KDM3A: variants seen among roughly 807,000 people sequenced by gnomAD.
KDM3A encodes the protein lysine-specific demethylase 3A.
KDM3A carries 60 observed loss-of-function variants against 158.0 expected under a neutral mutation model. The observed-to-expected ratio is 0.38, with a 90% CI of 0.31 to 0.47. KDM3A has a LOEUF of 0.47. Among genes scored for constraint, KDM3A ranks in the 20% least tolerant of loss-of-function variants. The pLI, the probability that KDM3A is intolerant of heterozygous loss-of-function variation, is 0.99. For missense variants in KDM3A, 1,319 were observed against 1,574.3 expected, an observed-to-expected ratio of 0.84 and a Z score of 2.74; for synonymous variants, 608 against 549.3, an observed-to-expected ratio of 1.11 and a Z score of -1.49.
chr2:86,480,425 A>T (rs1397495180), intron 16 of KDM3A, 63 bp downstream of exon 16: 6 of 1,402,532 alleles, frequency 4.3e-6, no homozygotes, highest in Non-Finnish European at 5.9e-6. Flanking sequence ...GAAGGACTTG[A>T]GAGAACAGTG....
chr2:86,463,301 T>A (rs1672999348), intron 8 of KDM3A, among the ~76,000 whole-genome samples: 1 of 152,224 alleles, frequency 6.6e-6, no homozygotes. Flanking sequence ...ATGGGTGAAT[T>A]GGTTTCACCT....
chr2:86,442,374 G>C, intron 2 of KDM3A, 141 bp downstream of exon 2: 2 of 792,938 alleles, frequency 2.5e-6, no homozygotes, highest in Non-Finnish European at 3.9e-6. Flanking sequence ...GCTAGATCTT[G>C]AAAGTCTTTG....
At chr2:86,455,453 A>G (rs1672649628) in intron 5 of KDM3A, among the ~76,000 whole-genome samples, 1 of 151,698 alleles carries the variant, frequency 6.6e-6, no homozygotes, top group Admixed American at 6.6e-5. Context: ...AGATTTCACT[A>G]TTTCACCATG....
intron 8 of KDM3A, among the ~76,000 whole-genome samples, chr2:86,463,622 G>A (rs185840789): frequency 2.0e-5 from 3 of 152,228 alleles, no homozygotes; most frequent in Non-Finnish European, 2.9e-5. Flanking sequence ...GCCTACAAGA[G>A]TCCTATGTGG....
chr2:86,488,229 T>C (rs935823645), intron 21 of KDM3A: 4 of 152,216 alleles, frequency 2.6e-5, no homozygotes, highest in African/African-American at 7.2e-5. Context: ...TGCTTTTTTC[T>C]GAAATTTTGC....
chr2:86,460,282 A>G (rs998313631), intron 8 of KDM3A, among the ~76,000 whole-genome samples: 1 of 152,134 alleles, frequency 6.6e-6, no homozygotes, highest in African/African-American at 2.4e-5. Context: ...ATTCCCTTGC[A>G]ATGTATTATA....
chr2:86,476,444 C>T (rs60539225), intron 12 of KDM3A, among the ~76,000 whole-genome samples: 3,258 of 152,232 alleles, frequency 0.021, 54 homozygotes, highest in African/African-American at 0.035. Context: ...CTCCTCCTTG[C>T]CTTTTTGATT....
intron 2 of KDM3A, among the ~76,000 whole-genome samples, chr2:86,445,757 T>C (rs1051575347): frequency 6.6e-6 from 1 of 152,216 alleles, no homozygotes; most frequent in Non-Finnish European, 1.5e-5. Flanking sequence ...AAAAAACTTC[T>C]AGCACGGTAT....
At chr2:86,441,973 T>A in intron 1 of KDM3A, 45 bp from the exon 2 acceptor site, 584 of 957,630 alleles carry the variant, frequency 6.1e-4, no homozygotes, top group Middle Eastern at 7.8e-4. Context: ...CCCGGCCCCC[T>A]CCCACCGGCC....
At chr2:86,456,701 AATT>A (rs1186811378) in intron 6 of KDM3A, 101 bp from the exon 7 acceptor site, 1 of 1,275,842 alleles carries the variant, frequency 7.8e-7, no homozygotes, top group East Asian at 2.4e-5. Context: ...TTTAAAAAGA[AATT>A]ATTCATAAGA....
In KDM3A at chr2:86,451,198, T is replaced by G. The variant is rs201247647; in HGVS notation, c.438T>G (p.Leu146=). Reference sequence around the variant, plus strand: ...AAAGAGTATTTCTTTCTAAAGACCTTTTGAAGCCTATACAGGTAAAACATA... The same window carrying G: ...AAAGAGTATTTCTTTCTAAAGACCTGTTGAAGCCTATACAGGTAAAACATA... ...DQQRVFLSKD[L]LKPIQDVNSL... is the part of the protein sequence containing the mutation. The change falls in exon 4 of 26, where the codon CTT becomes CTG. Residue 146 remains leucine, a synonymous_variant. Coordinates refer to ENST00000312912, the MANE Select transcript of KDM3A (RefSeq NM_018433.6). 3 of 1,604,264 alleles carry G rather than the reference T, an allele frequency of 1.9e-6. No homozygotes were observed. In the African/African-American group the frequency reaches 4.0e-5, roughly 22 times the overall value.
intron 2 of KDM3A, among the ~76,000 whole-genome samples, chr2:86,444,952 A>G (rs1682895507): frequency 6.6e-6 from 1 of 152,224 alleles, no homozygotes; most frequent in Admixed American, 6.5e-5. Flanking sequence ...TTACATCAGG[A>G]TTTAGCAAAG....
At chr2:86,442,294 A>T in intron 2 of KDM3A, 61 bp downstream of exon 2, 1 of 1,476,586 alleles carries the variant, frequency 6.8e-7, no homozygotes. Context: ...TAACGCGACC[A>T]TCGGTTCCCT....
chr2:86,443,894 T>C (rs1682846439), intron 2 of KDM3A, among the ~76,000 whole-genome samples: 1 of 152,232 alleles, frequency 6.6e-6, no homozygotes, highest in Non-Finnish European at 1.5e-5. Flanking sequence ...ATTTCAGTCG[T>C]GCTTGTTGTG....
At chr2:86,484,662 C>T in intron 19 of KDM3A, 3 of 364,438 alleles carry the variant, frequency 8.2e-6, no homozygotes, top group Non-Finnish European at 1.0e-5. Flanking sequence ...AGACAAGGCC[C>T]TGACACAGAT....
In KDM3A at chr2:86,474,980, T is replaced by G. The variant is rs1309485978; in HGVS notation, c.1929T>G (p.Ile643Met). Reference protein sequence around the residue: ...VISEKEAMSTIEPHRQVAWKR... With the variant: ...VISEKEAMSTMEPHRQVAWKR... The stretch of plus-strand genomic sequence containing the variant: ...CTGAAAAGGAAGCTATGTCAACTAT[T>G]GAGCCACACAGTAAGAGCATCTCTT... The change falls in exon 12 of 26, where the codon ATT becomes ATG. Residue 643 changes from isoleucine to methionine, a missense_variant. Physicochemically the swap from Ile to Met is conservative, Grantham distance 10. Around this residue, in one of 4 missense-constraint regions of KDM3A, gnomAD observed 113 missense variants for 190.5 expected, o/e 0.59. Coordinates refer to ENST00000312912, the MANE Select transcript of KDM3A (RefSeq NM_018433.6). 1.2e-6 allele frequency: 2 copies of G among 1,613,858 alleles called. No individual in the cohort carries two copies. Among genetic ancestry groups the G allele is most frequent in the Non-Finnish European group, 1.7e-6 (2 of 1,179,822 alleles).
chr2:86,459,056 A>G (rs1672819610), intron 8 of KDM3A, among the ~76,000 whole-genome samples: 1 of 152,192 alleles, frequency 6.6e-6, no homozygotes, highest in Non-Finnish European at 1.5e-5. Context: ...TAGCTAATGA[A>G]GTAGGTAGAA....
intron 14 of KDM3A, 40 bp from the exon 15 acceptor site, chr2:86,478,568 A>G (rs766941978): frequency 1.2e-6 from 2 of 1,607,442 alleles, no homozygotes; most frequent in Non-Finnish European, 1.7e-6. Flanking sequence ...GAAAGTTCCT[A>G]ATATCCTTGT....
At chr2:86,451,740 G>C (rs1271887224) in intron 4 of KDM3A, among the ~76,000 whole-genome samples, 1 of 152,142 alleles carries the variant, frequency 6.6e-6, no homozygotes, top group Non-Finnish European at 1.5e-5. Flanking sequence ...CCCATCAGCA[G>C]TTAGGTGTTA....
Sources: allele counts gnomAD v4.1 joint callset (sites outside exome capture counted in the v4.1 genomes callset), GRCh38; gene constraint gnomAD v4.1.1; regional missense constraint gnomAD v4.1.1; transcripts MANE v1.5; gene names NCBI Gene and HGNC (gene_info 2026-07-23, HGNC 2026-07-21).